Variants in ENTREP2 observed in about 807,000 individuals in gnomAD.
ENTREP2 encodes endosomal transmembrane epsin interactor 2, also known as protein ENTREP2.
At chr15:29,222,474 C>T in the ENTREP2 span, among the ~76,000 whole-genome samples, 3 of 152,302 alleles carry the variant, frequency 2.0e-5, no homozygotes, top group Middle Eastern at 3.4e-3. Context: ...CTAATTCTTT[C>T]TTGCGCAAGA....
chr15:29,346,078 C>T, the ENTREP2 span, among the ~76,000 whole-genome samples: 47 of 152,300 alleles, frequency 3.1e-4, no homozygotes, highest in African/African-American at 9.1e-4. Context: ...TCCCGCTCGG[C>T]GAACGAGCTC....
chr15:29,161,597 A>T, the ENTREP2 span, among the ~76,000 whole-genome samples: 4 of 152,192 alleles, frequency 2.6e-5, no homozygotes, highest in South Asian at 8.3e-4. Flanking sequence ...GAACATCAAG[A>T]GCAGAGACCA....
At chr15:29,136,306 C>T in the ENTREP2 span, 125 of 1,434,860 alleles carry the variant, frequency 8.7e-5, 1 homozygote, top group East Asian at 2.5e-3. Flanking sequence ...GAGGGCAGGC[C>T]GGGACGGTGT....
the ENTREP2 span, among the ~76,000 whole-genome samples, chr15:29,439,121 T>C: frequency 6.6e-6 from 1 of 152,128 alleles, no homozygotes; most frequent in Admixed American, 6.5e-5. Context: ...ACTAGCACCC[T>C]GGTTTTCTAA....
the ENTREP2 span, among the ~76,000 whole-genome samples, chr15:29,381,033 A>G: frequency 6.6e-6 from 1 of 151,626 alleles, no homozygotes; most frequent in Non-Finnish European, 1.5e-5. Flanking sequence ...TTCTAATTTT[A>G]GTAGAGATGG....
At chr15:29,317,944 C>G in the ENTREP2 span, among the ~76,000 whole-genome samples, 1 of 152,126 alleles carries the variant, frequency 6.6e-6, no homozygotes, top group Non-Finnish European at 1.5e-5. Context: ...GGCTTTTGCA[C>G]GGTGGCAATG....
chr15:29,138,346 A>C, the ENTREP2 span, among the ~76,000 whole-genome samples: 4 of 152,222 alleles, frequency 2.6e-5, no homozygotes, highest in Non-Finnish European at 5.9e-5. Flanking sequence ...CCACCTTCAC[A>C]TCTCTGCTGC....
chr15:29,219,204 T>C, the ENTREP2 span, among the ~76,000 whole-genome samples: 3 of 151,452 alleles, frequency 2.0e-5, no homozygotes, highest in African/African-American at 7.3e-5. Context: ...AAGAAACATA[T>C]GAAAAAATGC....
the ENTREP2 span, among the ~76,000 whole-genome samples, chr15:29,231,898 T>C: frequency 2.1e-5 from 3 of 145,384 alleles, no homozygotes; most frequent in Non-Finnish European, 1.5e-5. Flanking sequence ...TTCTTTCTTT[T>C]TTTTTTTTTT....
chr15:29,352,276 T>A, the ENTREP2 span, among the ~76,000 whole-genome samples: 1 of 152,234 alleles, frequency 6.6e-6, no homozygotes, highest in Non-Finnish European at 1.5e-5. Context: ...TATAGAATGA[T>A]GGAGGTTAAC....
chr15:29,324,341 C>T, the ENTREP2 span, among the ~76,000 whole-genome samples: 3 of 152,098 alleles, frequency 2.0e-5, no homozygotes, highest in Admixed American at 6.5e-5. Flanking sequence ...CTTGGCCTCC[C>T]AAAGTGCTAG....
chr15:29,174,913 A>C, the ENTREP2 span, among the ~76,000 whole-genome samples: 92 of 152,354 alleles, frequency 6.0e-4, no homozygotes, highest in South Asian at 0.018. Context: ...GAGTATAAGC[A>C]CATAGGTAAT....
chr15:29,473,097 C>G, the ENTREP2 span, among the ~76,000 whole-genome samples: 1 of 152,130 alleles, frequency 6.6e-6, no homozygotes, highest in Non-Finnish European at 1.5e-5. Flanking sequence ...CACTGTACAG[C>G]TGGTTTACCT....
At chr15:29,445,753 A>G in the ENTREP2 span, among the ~76,000 whole-genome samples, 1 of 152,222 alleles carries the variant, frequency 6.6e-6, no homozygotes, top group African/African-American at 2.4e-5. Flanking sequence ...CTCCTGGAGA[A>G]GGGAGTTGTG....
At chr15:29,414,113 A>G in the ENTREP2 span, among the ~76,000 whole-genome samples, 1 of 152,182 alleles carries the variant, frequency 6.6e-6, no homozygotes, top group African/African-American at 2.4e-5. Flanking sequence ...TAACAAGGAT[A>G]TCCAGGAATT....
chr15:29,185,723 G>A, the ENTREP2 span, among the ~76,000 whole-genome samples: 3 of 151,910 alleles, frequency 2.0e-5, no homozygotes, highest in Admixed American at 1.3e-4. Context: ...CACCACACCT[G>A]GCTAATTTTT....
chr15:29,269,652 G>T, the ENTREP2 span: 1 of 1,572,014 alleles, frequency 6.4e-7, no homozygotes, highest in Non-Finnish European at 8.6e-7. Flanking sequence ...TCCAGTCTCT[G>T]TCCCTCTCGG....
the ENTREP2 span, chr15:29,675,214 C>T: frequency 1.3e-5 from 2 of 152,404 alleles, no homozygotes; most frequent in Non-Finnish European, 2.9e-5. Flanking sequence ...GCCGTCCTCC[C>T]GGGGCTGGCT....
the ENTREP2 span, among the ~76,000 whole-genome samples, chr15:29,663,985 G>A: frequency 2.7e-5 from 4 of 149,806 alleles, no homozygotes; most frequent in South Asian, 4.2e-4. Context: ...CCGAGATCGC[G>A]CCATTGCACT....
Sources: gnomAD v4.1 joint callset for allele counts (sites outside exome capture counted in the v4.1 genomes callset) on GRCh38, gnomAD v4.1.1 for gene constraint, MANE v1.5 for transcripts, NCBI Gene and HGNC (gene_info 2026-07-23, HGNC 2026-07-21) for gene names.